DGAT2: variants seen among roughly 807,000 people sequenced by gnomAD.
DGAT2 encodes diacylglycerol O-acyltransferase 2.
Under a neutral mutation model 48.4 loss-of-function variants are expected in DGAT2, and 33 were observed. That is an observed-to-expected ratio of 0.68 (90% CI 0.52 to 0.91). The LOEUF is 0.91. Ranked by LOEUF, DGAT2 falls within the 40% of genes least tolerant of loss-of-function variation. DGAT2 has a pLI of 0.00. For synonymous variants in DGAT2, 191 were observed against 194.1 expected (o/e 0.98, Z 0.13); for missense variants, 446 against 493.7 (o/e 0.90, Z 0.92).
At chr11:75,783,858 C>T (rs1944893612) in intron 1 of DGAT2, among the ~76,000 whole-genome samples, 1 of 152,198 alleles carries the variant, frequency 6.6e-6, no homozygotes, top group African/African-American at 2.4e-5. Context: ...TCCTAACTTC[C>T]AGGCTTGGCA....
At chr11:75,785,680 G>A (rs1198532300) in intron 2 of DGAT2, among the ~76,000 whole-genome samples, 1 of 152,208 alleles carries the variant, frequency 6.6e-6, no homozygotes, top group Non-Finnish European at 1.5e-5. Context: ...TCCAGTGCCT[G>A]TGAGCCAGTC....
At chr11:75,788,275 G>T (rs1490336249) in intron 2 of DGAT2, among the ~76,000 whole-genome samples, 1 of 152,170 alleles carries the variant, frequency 6.6e-6, no homozygotes. Context: ...GCAGACTGCT[G>T]AACAGTAAGT....
At chr11:75,791,592 A>G (rs1483944991) in intron 4 of DGAT2, among the ~76,000 whole-genome samples, 5 of 152,204 alleles carry the variant, frequency 3.3e-5, no homozygotes, top group Admixed American at 6.5e-5. Flanking sequence ...CAACATTGCA[A>G]CCACCATCCA....
intron 2 of DGAT2, among the ~76,000 whole-genome samples, chr11:75,789,660 T>C (rs1359879877): frequency 6.6e-6 from 1 of 152,208 alleles, no homozygotes; most frequent in African/African-American, 2.4e-5. Context: ...GAATCCTGGC[T>C]CTGCCACTGT....
rs375121052 is a variant in DGAT2, at chr11:75,772,623, A to G, written c.121+3511A>G. The stretch of plus-strand genomic sequence containing the variant: ...TCACCACATCTTCTTTTATTTTTAT[A>G]GCCTTTATCACTACCTAAATTTTCA... On this transcript the variant is annotated intron_variant, in intron 1 of 7. Coordinates refer to ENST00000228027, the MANE Select transcript of DGAT2 (RefSeq NM_032564.5). Among the ~76,000 whole-genome samples, 56 of 152,220 alleles carry G rather than the reference A, an allele frequency of 3.7e-4. No homozygotes were observed. In the South Asian group the frequency reaches 1.0e-2, roughly 27 times the overall value.
chr11:75,778,757 C>T (rs1944828746), intron 1 of DGAT2, among the ~76,000 whole-genome samples: 1 of 150,326 alleles, frequency 6.7e-6, no homozygotes, highest in South Asian at 2.1e-4. Flanking sequence ...TGGAGTGAAC[C>T]CTGGAGGCGG....
At chr11:75,786,619 G>GCCTCA (rs964168668) in intron 2 of DGAT2, among the ~76,000 whole-genome samples, 1 of 152,188 alleles carries the variant, frequency 6.6e-6, no homozygotes, top group Non-Finnish European at 1.5e-5. Context: ...CCCTCGCCTG[G>GCCTCA]CCTCACCTCG....
chr11:75,775,221 G>A (rs2135758569), intron 1 of DGAT2, among the ~76,000 whole-genome samples: 1 of 152,296 alleles, frequency 6.6e-6, no homozygotes, highest in Admixed American at 6.5e-5. Context: ...TGCTAATGGG[G>A]AAACCTAGAG....
At position 75,790,705 on chromosome 11, in the gene DGAT2, T is replaced by C. The variant is rs1045848152; in HGVS notation, c.403T>C (p.Tyr135His). The C allele has an allele frequency of 1.9e-6, 3 of 1,614,180 alleles. No individual in the cohort carries two copies. Among genetic ancestry groups the C allele is most frequent in the Non-Finnish European group, 2.5e-6 (3 of 1,180,034 alleles). Reference protein sequence around the residue: ...QWVRNWAVWRYFRDYFPIQLV... With the variant: ...QWVRNWAVWRHFRDYFPIQLV... ...GGTCCGAAACTGGGCTGTGTGGCGC[T>C]ACTTTCGAGACTACTTTCCCATCCA... Residue 135 changes from tyrosine (Y) to histidine (H), a missense_variant, in exon 4 of 8, where the codon TAC becomes CAC. Coordinates refer to ENST00000228027, the MANE Select transcript of DGAT2 (RefSeq NM_032564.5).
chr11:75,771,796 TA>T (rs1338702636), intron 1 of DGAT2, among the ~76,000 whole-genome samples: 1 of 152,172 alleles, frequency 6.6e-6, no homozygotes, highest in African/African-American at 2.4e-5. Flanking sequence ...AGGGCTCATC[TA>T]GGCTGAGAAA....
intron 1 of DGAT2, chr11:75,784,359 T>C: frequency 2.8e-6 from 1 of 351,552 alleles, no homozygotes; most frequent in Non-Finnish European, 5.3e-6. Context: ...ATACTTCATG[T>C]GGTCTCCAAA....
intron 1 of DGAT2, among the ~76,000 whole-genome samples, chr11:75,782,496 T>C (rs950826713): frequency 5.3e-5 from 8 of 152,208 alleles, no homozygotes; most frequent in Non-Finnish European, 1.5e-5. Flanking sequence ...CCATGGCTCC[T>C]GCTTCACTTC....
chr11:75,782,243 T>G (rs1944874396), intron 1 of DGAT2, among the ~76,000 whole-genome samples: 1 of 152,126 alleles, frequency 6.6e-6, no homozygotes, highest in Non-Finnish European at 1.5e-5. Flanking sequence ...TTTATAGTGG[T>G]GTTTCTCAGA....
intron 1 of DGAT2, among the ~76,000 whole-genome samples, chr11:75,780,001 G>A (rs573894701): frequency 5.9e-5 from 9 of 152,332 alleles, no homozygotes; most frequent in African/African-American, 1.9e-4. Flanking sequence ...GATGAATCAG[G>A]TACCAAGTCC....
At chr11:75,781,463 T>C (rs1473673146) in intron 1 of DGAT2, among the ~76,000 whole-genome samples, 3 of 152,128 alleles carry the variant, frequency 2.0e-5, no homozygotes, top group African/African-American at 7.2e-5. Context: ...GTCAGCCAGG[T>C]TGGGATTGCC....
rs1945104229 is a variant in DGAT2, at chr11:75,800,680, G to A, written c.*172G>A. ...AAGAAGGAAAAAGTCAGTATTTCAA[G>A]TTCTTTCACTTCCAGCTTGCCCTGT... On this transcript the variant is annotated 3_prime_UTR_variant, in exon 8 of 8. Transcript: ENST00000228027. 3 of 873,864 alleles carry A rather than the reference G, an allele frequency of 3.4e-6. No individual in the cohort carries two copies. Among genetic ancestry groups the A allele is most frequent in the Non-Finnish European group, 5.1e-6 (3 of 593,278 alleles). The allele number at this position is 873,864 out of a possible 1,614,324, so 54.1% of individuals were successfully genotyped here. A position where few individuals can be genotyped will look rare whatever the true frequency, so the allele number is the denominator to read the frequency against.
chr11:75,794,811 A>G (rs1475335942), intron 4 of DGAT2: 6 of 152,206 alleles, frequency 3.9e-5, no homozygotes, highest in African/African-American at 9.6e-5. Context: ...AAAGGACTCA[A>G]TGCGTCAGAT....
chr11:75,790,603 T>C, intron 3 of DGAT2, 58 bp from the exon 4 acceptor site: 2 of 1,545,016 alleles, frequency 1.3e-6, no homozygotes. Flanking sequence ...CCCTGTCTTG[T>C]CTGCCTTGCC....
Position 75,800,853 on chromosome 11 carries a change from C to G in DGAT2, c.*345C>G. Reference sequence around the variant, plus strand: ...GACCAGTTAGATGATTCACTTTTTGCCCCTAGGGATGAGAGGCGAAAGCCA... The same window carrying G: ...GACCAGTTAGATGATTCACTTTTTGGCCCTAGGGATGAGAGGCGAAAGCCA... On this transcript the variant is annotated 3_prime_UTR_variant, in exon 8 of 8. Coordinates refer to ENST00000228027, the MANE Select transcript of DGAT2 (RefSeq NM_032564.5). 1 of 243,928 alleles carries G rather than the reference C, an allele frequency of 4.1e-6. No individual in the cohort carries two copies. Among genetic ancestry groups the G allele is most frequent in the Admixed American group, 5.3e-5 (1 of 18,846 alleles). 15.1% of individuals were successfully genotyped at this position (243,928 alleles called of 1,614,324 possible).
Sources: allele counts gnomAD v4.1 joint callset (sites outside exome capture counted in the v4.1 genomes callset), GRCh38; gene constraint gnomAD v4.1.1; transcripts MANE v1.5; gene names NCBI Gene and HGNC (gene_info 2026-07-23, HGNC 2026-07-21).